Variants in HYDIN observed in about 807,000 individuals in gnomAD.
The protein encoded by HYDIN is axonemal central pair apparatus protein HYDIN.
Under a neutral mutation model 403.9 loss-of-function variants are expected in HYDIN, and 132 were observed. That is an observed-to-expected ratio of 0.33 (90% confidence interval 0.28 to 0.38). The LOEUF (loss-of-function observed/expected upper bound fraction) is 0.38. Ranked by LOEUF, HYDIN falls within the 10% of genes least tolerant of loss-of-function variation. The pLI, the probability that HYDIN is intolerant of heterozygous loss-of-function variation, is 1.00. For synonymous variants in HYDIN, 1,202 were observed against 1,891.7 expected, an observed-to-expected ratio of 0.64 and a Z score of 9.46; for missense variants, 2,827 against 5,009.5, an observed-to-expected ratio of 0.56 and a Z score of 13.15.
chr16:70,810,852 A>G (rs1052226671), intron 84 of HYDIN, among the ~76,000 whole-genome samples: 1 of 152,196 alleles, frequency 6.6e-6, no homozygotes, highest in Admixed American at 6.5e-5. Context: ...CCAGAGGTGT[A>G]GAGCAATACA....
chr16:71,028,372 C>G (rs1193245037), intron 19 of HYDIN, among the ~76,000 whole-genome samples: 4 of 151,888 alleles, frequency 2.6e-5, no homozygotes, highest in Non-Finnish European at 4.4e-5. Flanking sequence ...AGAACACCAC[C>G]GGGATTGGTC....
rs376104882 is a variant in HYDIN at position 70,829,535 on chromosome 16, CAA to C, written c.14112+81_14112+82del. On this transcript the variant is annotated intron_variant, in intron 81 of 85. Coordinates refer to ENST00000393567, the MANE Select transcript of HYDIN (RefSeq NM_001270974.2). ...AGGCATGAGCCACCACGCCCAGCCCCAAAGTGTCTTTTAACCTCATTCACATA... is the reference window on the plus strand; with the variant it reads ...AGGCATGAGCCACCACGCCCAGCCCCAGTGTCTTTTAACCTCATTCACATA... 11,201 of 1,011,160 alleles carry C rather than the reference CAA, an allele frequency of 0.011. 231 individuals are homozygous for C. The African/African-American group carries it at 0.12, about 11-fold the overall frequency. 62.6% of individuals were successfully genotyped at this position (1,011,160 alleles called of 1,614,324 possible).
rs748365700 is a variant in HYDIN at position 70,955,405 on chromosome 16, C to T, written c.6286G>A (p.Glu2096Lys). The change falls in exon 40 of 86, where the codon GAG becomes AAG. Residue 2096 changes from glutamate to lysine, a missense_variant. Transcript: ENST00000393567. ...TCCTCTCCTTCCTTCACGGACTGCT[C>T]TATGGCAGCCCTGATGCAGAGCTCA... ...ARELCIRAAI[E>K]QSVKEGEEAA... is the part of the protein sequence containing the mutation. 1.2e-6 allele frequency: 2 copies of T among 1,613,522 alleles called. No homozygotes were observed. The highest frequency in any genetic ancestry group is 1.7e-6 in the Non-Finnish European group (2 of 1,179,814).
At chr16:71,010,188 C>T (rs2144097753) in intron 23 of HYDIN, among the ~76,000 whole-genome samples, 1 of 150,194 alleles carries the variant, frequency 6.7e-6, no homozygotes, top group South Asian at 2.2e-4. Context: ...CTTTTTGCCC[C>T]CTCCTCAGGC....
Position 70,868,766 on chromosome 16 carries a change from C to T in HYDIN, c.11114G>A (p.Cys3705Tyr), listed in dbSNP as rs1198202494. Residue 3705 changes from cysteine (C) to tyrosine (Y), a missense_variant, in exon 66 of 86, where the codon TGT (cysteine) becomes TAT (tyrosine). Cys to Tyr is a radical substitution (Grantham distance 194). Coordinates refer to ENST00000393567, the MANE Select transcript of HYDIN (RefSeq NM_001270974.2). ...CATGGTCACCACTATGTCCTTGGCA[C>T]ACCCAGGGTGGAGGTGGCCCATCTA... Reference protein sequence around the residue: ...SPQMGHLHPGCAKDIVVTMKS... With the variant: ...SPQMGHLHPGYAKDIVVTMKS... 2 of 1,613,958 alleles carry T rather than the reference C, an allele frequency of 1.2e-6. No individual in the cohort carries two copies. The highest frequency in any genetic ancestry group is 1.1e-5 in the South Asian group (1 of 91,024).
In HYDIN at chr16:71,067,298, A is replaced by G; in HGVS notation, c.2067T>C (p.Ile689=). Residue 689 remains isoleucine, a synonymous_variant, in exon 15 of 86, where the codon ATT becomes ATC. Transcript: ENST00000393567. The part of the protein sequence containing the change: ...GIGEEVLALL[I]TARCVVPALH... ...AAGCTGGGGAGCAATACCTTGCTGT[A>G]ATTAAGAGCGCCAGCACCTCTTCTC... 6.2e-7 allele frequency: 1 copy of G among 1,609,248 alleles called. No homozygotes were observed.
chr16:70,818,467 G>A lies in HYDIN; in HGVS notation c.14533C>T (p.Arg4845Trp), dbSNP rs748968493. Residue 4845 changes from arginine to tryptophan, a missense_variant, in exon 84 of 86, where the codon CGG becomes TGG. Coordinates refer to ENST00000393567, the MANE Select transcript of HYDIN (RefSeq NM_001270974.2). ...TTGATGGAGGCTGACGCAACTTGCCGGACTGGGGTCACCATCTCGATGGTT... is the reference window on the plus strand; with the variant it reads ...TTGATGGAGGCTGACGCAACTTGCCAGACTGGGGTCACCATCTCGATGGTT... ...IKTIEMVTPV[R>W]QVASASIKLE... 12 of 1,542,476 alleles carry A rather than the reference G, an allele frequency of 7.8e-6. No homozygotes were observed. Among genetic ancestry groups the A allele is most frequent in the South Asian group, 3.5e-5 (3 of 86,066 alleles).
chr16:71,024,153 C>A (rs941699863), intron 21 of HYDIN, among the ~76,000 whole-genome samples: 1 of 152,248 alleles, frequency 6.6e-6, no homozygotes, highest in Non-Finnish European at 1.5e-5. Context: ...GACCATGTCA[C>A]TCCCTTCCTG....
rs754057314 is a variant in HYDIN, at chr16:70,943,881, G to A, written c.6600C>T (p.Gly2200=). ...RWLSVSPSVG[G]ETGLMSCVLP... is the part of the protein sequence containing the mutation. ...GCACACAGCTCATCAGCCCGGTCTC[G>A]CCTCCGACACTGGGACTAACACTGA... Residue 2200 remains glycine (G), a synonymous_variant, in exon 42 of 86, where the codon GGC becomes GGT. Transcript: ENST00000393567. 3.8e-5 allele frequency: 62 copies of A among 1,613,490 alleles called. No homozygotes were observed. The highest frequency in any genetic ancestry group is 1.7e-4 in the African/African-American group (13 of 74,922).
chr16:71,145,475 G>A (rs1277008153), intron 7 of HYDIN, among the ~76,000 whole-genome samples: 9 of 152,064 alleles, frequency 5.9e-5, no homozygotes, highest in African/African-American at 2.4e-5. Context: ...GGATGGTCTC[G>A]ATCTTCTGAC....
rs537976151 is a variant in HYDIN at position 70,904,812 on chromosome 16, A to T, written c.8517-748T>A. On this transcript the variant is annotated intron_variant, in intron 50 of 85. Coordinates refer to ENST00000393567, the MANE Select transcript of HYDIN (RefSeq NM_001270974.2). ...CCACCGTGCCCGGCCTCACTTGAGT[A>T]ATTTTTTATTTCACATCTGTTTTAG... is the stretch of plus-strand genomic sequence containing the variant. Among the ~76,000 whole-genome samples the T allele has an allele frequency of 3.9e-3, 584 of 151,108 alleles. 5 individuals are homozygous for T. The highest frequency in any genetic ancestry group is 6.7e-3 in the Non-Finnish European group (452 of 67,694).
chr16:71,175,209 T>C (rs925680577), intron 5 of HYDIN, among the ~76,000 whole-genome samples: 1 of 150,274 alleles, frequency 6.7e-6, no homozygotes, highest in Non-Finnish European at 1.5e-5. Flanking sequence ...ATGACAACAA[T>C]ATTACCACCA....
At chr16:71,201,644 G>A (rs747022404) in intron 1 of HYDIN, among the ~76,000 whole-genome samples, 3 of 152,340 alleles carry the variant, frequency 2.0e-5, no homozygotes, top group Non-Finnish European at 2.9e-5. Context: ...TGCTGAAATC[G>A]GGATTTGAGC....
At chr16:70,940,577 A>T (rs1194715440) in intron 43 of HYDIN, among the ~76,000 whole-genome samples, 1 of 152,066 alleles carries the variant, frequency 6.6e-6, no homozygotes, top group Non-Finnish European at 1.5e-5. Context: ...CATTCTGAAG[A>T]TAAGTGGGAA....
At chr16:70,852,609 A>C (rs2038728109) in intron 73 of HYDIN, 1 of 147,088 alleles carries the variant, frequency 6.8e-6, no homozygotes, top group Non-Finnish European at 1.5e-5. Context: ...ATCAACAATA[A>C]AAAACAAACA....
intron 10 of HYDIN, 68 bp from the exon 11 acceptor site, chr16:71,094,003 G>A: frequency 7.4e-7 from 1 of 1,350,270 alleles, no homozygotes; most frequent in South Asian, 1.4e-5. Context: ...GTTCCCTCAT[G>A]TACGTTACCA....
chr16:70,991,505 A>G, intron 24 of HYDIN, 109 bp from the exon 25 acceptor site: 1 of 1,508,870 alleles, frequency 6.6e-7, no homozygotes, highest in Non-Finnish European at 8.9e-7. Flanking sequence ...CACACCCCCA[A>G]ACGTAAGGGG....
At chr16:71,109,675 T>C (rs1443614282) in intron 10 of HYDIN, among the ~76,000 whole-genome samples, 1 of 136,666 alleles carries the variant, frequency 7.3e-6, no homozygotes, top group Non-Finnish European at 1.5e-5. Context: ...AATAATCCAC[T>C]AACAAAATAC....
rs867789950 is a variant in HYDIN at position 71,041,954 on chromosome 16, A to G, written c.2530-10037T>C. ...TTTTAAAAAAATAAATAATACATGT[A>G]GACAGTGTAACATTCAAATGGATTC... is the stretch of plus-strand genomic sequence containing the variant. On this transcript the variant is annotated intron_variant, in intron 18 of 85. Coordinates refer to ENST00000393567, the MANE Select transcript of HYDIN (RefSeq NM_001270974.2). 2.6e-5 allele frequency among the ~76,000 whole-genome samples: 4 copies of G among 152,178 alleles called. No homozygotes were observed. In the South Asian group the frequency reaches 8.3e-4, roughly 32 times the overall value.
Sources: gnomAD v4.1 joint callset for allele counts (sites outside exome capture counted in the v4.1 genomes callset) on GRCh38, gnomAD v4.1.1 for gene constraint, MANE v1.5 for transcripts, NCBI Gene and HGNC (gene_info 2026-07-23, HGNC 2026-07-21) for gene names.